SLC9A9: variants seen among roughly 807,000 people sequenced by gnomAD.
SLC9A9 encodes the protein solute carrier family 9 member A9.
Under a neutral mutation model 77.8 loss-of-function variants are expected in SLC9A9, and 62 were observed. That is an observed-to-expected ratio of 0.80 (90% CI 0.65 to 0.98). The LOEUF (loss-of-function observed/expected upper bound fraction) is 0.98. SLC9A9 is among the 50% of genes least tolerant of loss of function. SLC9A9 has a pLI of 0.00. For synonymous variants in SLC9A9, 320 were observed against 283.5 expected, an observed-to-expected ratio of 1.13 and a Z score of -1.29; for missense variants, 775 against 774.9, an observed-to-expected ratio of 1.00 and a Z score of 0.00.
intron 1 of SLC9A9, among the ~76,000 whole-genome samples, chr3:143,843,958 G>A (rs528228099): frequency 2.6e-5 from 4 of 152,184 alleles, no homozygotes; most frequent in African/African-American, 9.6e-5. Flanking sequence ...GAGAACCATC[G>A]AATATCATAA....
At chr3:143,558,497 G>T (rs1375022975) in intron 8 of SLC9A9, among the ~76,000 whole-genome samples, 1 of 152,204 alleles carries the variant, frequency 6.6e-6, no homozygotes, top group Non-Finnish European at 1.5e-5. Flanking sequence ...GTCCAAGGCT[G>T]TGGGAGCCCA....
chr3:143,431,011 G>A (rs2034503451), intron 12 of SLC9A9, among the ~76,000 whole-genome samples: 1 of 152,088 alleles, frequency 6.6e-6, no homozygotes, highest in South Asian at 2.1e-4. Context: ...CACTAGTTTT[G>A]GACTGCTTCC....
intron 4 of SLC9A9, among the ~76,000 whole-genome samples, chr3:143,792,974 G>A (rs965613953): frequency 1.3e-5 from 2 of 152,012 alleles, no homozygotes; most frequent in Admixed American, 6.6e-5. Context: ...ATTCTAAAAT[G>A]TTTAGGCTAT....
chr3:143,812,821 C>T (rs778684728), intron 2 of SLC9A9, among the ~76,000 whole-genome samples: 1 of 152,122 alleles, frequency 6.6e-6, no homozygotes, highest in South Asian at 2.1e-4. Context: ...ACCCAGTGCC[C>T]CATCATTGAC....
intron 13 of SLC9A9, among the ~76,000 whole-genome samples, chr3:143,365,105 A>T (rs997479466): frequency 6.6e-6 from 1 of 152,208 alleles, no homozygotes; most frequent in Non-Finnish European, 1.5e-5. Flanking sequence ...CATAAAAAGG[A>T]ATGAGATTAT....
chr3:143,605,035 C>T (rs149956714), intron 6 of SLC9A9, among the ~76,000 whole-genome samples: 3 of 152,164 alleles, frequency 2.0e-5, no homozygotes, highest in South Asian at 2.1e-4. Flanking sequence ...AGTGAAAGCC[C>T]CTTTTCTGCT....
chr3:143,381,849 T>TG (rs1388993498), intron 13 of SLC9A9: 2 of 590,766 alleles, frequency 3.4e-6, no homozygotes, highest in African/African-American at 3.7e-5. Context: ...TAGAGAGGCT[T>TG]GCAAGTACAT....
chr3:143,318,484 A>G (rs2031305483), intron 14 of SLC9A9, among the ~76,000 whole-genome samples: 1 of 152,208 alleles, frequency 6.6e-6, no homozygotes, highest in Non-Finnish European at 1.5e-5. Flanking sequence ...CTTGTTCACA[A>G]CACATCATGT....
intron 9 of SLC9A9, among the ~76,000 whole-genome samples, chr3:143,513,423 T>G (rs58052469): frequency 0.02 from 3,083 of 152,272 alleles, 98 homozygotes; most frequent in African/African-American, 0.069. Context: ...TTTAATTCTA[T>G]TTCTCTTGCT....
At chr3:143,611,583 C>G (rs2038022808) in intron 6 of SLC9A9, among the ~76,000 whole-genome samples, 1 of 152,088 alleles carries the variant, frequency 6.6e-6, no homozygotes, top group Admixed American at 6.5e-5. Context: ...TTTCTGAAAA[C>G]AGCACTGAAA....
chr3:143,773,159 G>A (rs997611603), intron 4 of SLC9A9, among the ~76,000 whole-genome samples: 1 of 152,128 alleles, frequency 6.6e-6, no homozygotes, highest in Non-Finnish European at 1.5e-5. Flanking sequence ...TAGTGTTGTG[G>A]TGCTAAACGT....
intron 14 of SLC9A9, among the ~76,000 whole-genome samples, chr3:143,279,930 C>G (rs983842696): frequency 6.6e-5 from 10 of 152,164 alleles, no homozygotes; most frequent in South Asian, 4.1e-4. Flanking sequence ...AGCAATCCTC[C>G]CCCCTCAGCC....
chr3:143,404,951 A>C (rs936782989), intron 12 of SLC9A9, among the ~76,000 whole-genome samples: 13 of 152,204 alleles, frequency 8.5e-5, no homozygotes, highest in Admixed American at 7.9e-4. Context: ...GTTATGCTTA[A>C]GCCTCTTAAG....
intron 5 of SLC9A9, among the ~76,000 whole-genome samples, chr3:143,679,019 TGTGGGAAAGAGGTGAGAGGG>T (rs1361543741): frequency 1.5e-5 from 2 of 131,906 alleles, no homozygotes; most frequent in Non-Finnish European, 3.2e-5. Context: ...GATTGATGTG[TGTGGGAAAGAGGTGAGAGGG>T]GTGGGAAAGA....
At chr3:143,411,999 G>A (rs906320591) in intron 12 of SLC9A9, among the ~76,000 whole-genome samples, 7 of 152,062 alleles carry the variant, frequency 4.6e-5, no homozygotes, top group East Asian at 1.9e-4. Flanking sequence ...ACTGCCTATC[G>A]GGGAAGTCCC....
chr3:143,736,488 C>T (rs1028627712), intron 4 of SLC9A9, among the ~76,000 whole-genome samples: 1 of 152,140 alleles, frequency 6.6e-6, no homozygotes, highest in African/African-American at 2.4e-5. Context: ...AGAATTTATG[C>T]TCTAGTGAAA....
chr3:143,728,852 T>C (rs557458758), intron 4 of SLC9A9, among the ~76,000 whole-genome samples: 2 of 151,884 alleles, frequency 1.3e-5, no homozygotes, highest in South Asian at 4.2e-4. Context: ...GGCAACGAGA[T>C]GGATGGTGGT....
At chr3:143,745,618 G>T (rs557913808) in intron 4 of SLC9A9, among the ~76,000 whole-genome samples, 8 of 152,106 alleles carry the variant, frequency 5.3e-5, no homozygotes, top group African/African-American at 2.4e-5. Flanking sequence ...CATTAGGGCC[G>T]CTGTGTATTT....
intron 4 of SLC9A9, among the ~76,000 whole-genome samples, chr3:143,703,302 A>G (rs931128788): frequency 1.3e-5 from 2 of 152,150 alleles, no homozygotes; most frequent in Non-Finnish European, 2.9e-5. Flanking sequence ...TCTCAAGGAC[A>G]GGACATATGT....
Sources: allele counts gnomAD v4.1 joint callset (sites outside exome capture counted in the v4.1 genomes callset), GRCh38; gene constraint gnomAD v4.1.1; transcripts MANE v1.5; gene names NCBI Gene and HGNC (gene_info 2026-07-23, HGNC 2026-07-21).